Variants in MRPS9 observed in about 807,000 individuals in gnomAD.
MRPS9 encodes mitochondrial ribosomal protein S9.
Under a neutral mutation model 59.9 loss-of-function variants are expected in MRPS9, and 45 were observed. The observed-to-expected ratio is 0.75, with a 90% CI of 0.59 to 0.96. MRPS9 has a LOEUF of 0.96. MRPS9 is among the 40% of genes least tolerant of loss of function. The probability of loss-of-function intolerance (pLI) is 0.00; values close to 1 mark genes in which losing one functional copy is unlikely to be tolerated. For missense variants in MRPS9, 473 were observed against 481.1 expected, an observed-to-expected ratio of 0.98 and a Z score of 0.16; for synonymous variants, 171 against 166.8, an observed-to-expected ratio of 1.03 and a Z score of -0.19.
chr2:105,069,774 G>A (rs765447302), intron 2 of MRPS9, among the ~76,000 whole-genome samples: 33 of 151,770 alleles, frequency 2.2e-4, no homozygotes, highest in Non-Finnish European at 3.8e-4. Flanking sequence ...ATACTGGTAG[G>A]CCAAGGCAAG....
At chr2:105,081,958 C>T (rs1458710788) in intron 5 of MRPS9, among the ~76,000 whole-genome samples, 1 of 152,172 alleles carries the variant, frequency 6.6e-6, no homozygotes, top group African/African-American at 2.4e-5. Flanking sequence ...GATACTGAGA[C>T]TTTGAAATAG....
At chr2:105,089,118 C>T (rs780440138) in intron 6 of MRPS9, 49 bp downstream of exon 6, 6 of 1,387,828 alleles carry the variant, frequency 4.3e-6, no homozygotes, top group Non-Finnish European at 4.0e-6. Context: ...GAACTAAAAA[C>T]ATGCCACTCA....
chr2:105,038,071 T>G lies in MRPS9; in HGVS notation c.-22T>G. On this transcript the variant is annotated 5_prime_UTR_variant, in exon 1 of 11. Coordinates refer to ENST00000258455, the MANE Select transcript of MRPS9 (RefSeq NM_182640.3). ...AGGCCCCGCCCCCTCACCCCTCCGG[T>G]CCTGGAGCTCCCACAGCTAACATGG... The G allele has an allele frequency of 6.2e-7, 1 of 1,612,158 alleles. No homozygotes were observed. Among genetic ancestry groups the G allele is most frequent in the Non-Finnish European group, 8.5e-7 (1 of 1,179,584 alleles).
At chr2:105,091,327 G>C (rs1680553873) in intron 7 of MRPS9, 2 of 471,110 alleles carry the variant, frequency 4.2e-6, no homozygotes, top group Non-Finnish European at 8.8e-6. Flanking sequence ...TGTAGGTGCA[G>C]AAGTCATTGA....
intron 7 of MRPS9, 130 bp downstream of exon 7, chr2:105,090,125 TAAAAACAAAACAAAACAAAACAA>T (rs1680529512): frequency 4.0e-6 from 2 of 503,544 alleles, no homozygotes; most frequent in African/African-American, 4.1e-5. Flanking sequence ...TTTCTTTCTT[TAAAAACAAAACAAAACAAAACAA>T]AAAAACAAAA....
chr2:105,071,176 C>A, intron 2 of MRPS9, 137 bp from the exon 3 acceptor site: 1 of 621,628 alleles, frequency 1.6e-6, no homozygotes, highest in Non-Finnish European at 2.7e-6. Flanking sequence ...TTTTATCATC[C>A]CATTGAAACA....
At chr2:105,056,125 G>A (rs969760956) in intron 2 of MRPS9, among the ~76,000 whole-genome samples, 2 of 151,246 alleles carry the variant, frequency 1.3e-5, no homozygotes, top group Admixed American at 6.6e-5. Context: ...TGTGTGAAGT[G>A]CCATCTTGGA....
intron 5 of MRPS9, among the ~76,000 whole-genome samples, chr2:105,084,691 A>T (rs1040915786): frequency 6.6e-6 from 1 of 152,208 alleles, no homozygotes; most frequent in African/African-American, 2.4e-5. Context: ...TGCTTATTTT[A>T]AAAAAGCTAC....
At chr2:105,039,229 TAA>T (rs11326307) in intron 1 of MRPS9, among the ~76,000 whole-genome samples, 8 of 147,670 alleles carry the variant, frequency 5.4e-5, no homozygotes, top group African/African-American at 1.7e-4. Flanking sequence ...AAACTATATT[TAA>T]AAAAAAAAAC....
At chr2:105,073,820 CA>C (rs966169696) in intron 4 of MRPS9, among the ~76,000 whole-genome samples, 3 of 152,278 alleles carry the variant, frequency 2.0e-5, no homozygotes, top group African/African-American at 7.2e-5. Flanking sequence ...TTGATGACCA[CA>C]AACCTTTTTG....
intron 9 of MRPS9, 25 bp from the exon 10 acceptor site, chr2:105,097,130 C>A (rs1305303709): frequency 6.9e-7 from 1 of 1,445,722 alleles, no homozygotes; most frequent in African/African-American, 1.5e-5. Context: ...TAAACGTAAC[C>A]ACATTTACTT....
At chr2:105,086,254 A>G (rs1034933393) in intron 5 of MRPS9, among the ~76,000 whole-genome samples, 2 of 152,100 alleles carry the variant, frequency 1.3e-5, no homozygotes, top group Admixed American at 6.5e-5. Flanking sequence ...ATGGGTTACA[A>G]TCATCAAATT....
intron 5 of MRPS9, 110 bp from the exon 6 acceptor site, chr2:105,088,874 G>A: frequency 3.5e-6 from 2 of 577,076 alleles, no homozygotes; most frequent in Non-Finnish European, 5.8e-6. Context: ...TCTCTGAGGA[G>A]GAGGACACCT....
chr2:105,038,474 A>C, intron 1 of MRPS9: 1 of 492,322 alleles, frequency 2.0e-6, no homozygotes, highest in Non-Finnish European at 3.7e-6. Context: ...AAGTGGAGCG[A>C]CCTCCTCCTT....
chr2:105,070,907 G>T (rs920984112), intron 2 of MRPS9, among the ~76,000 whole-genome samples: 1 of 152,192 alleles, frequency 6.6e-6, no homozygotes, highest in African/African-American at 2.4e-5. Context: ...AACATCAGGG[G>T]TGTCATGATG....
At chr2:105,094,444 G>A (rs1161157893) in intron 9 of MRPS9, among the ~76,000 whole-genome samples, 1 of 152,082 alleles carries the variant, frequency 6.6e-6, no homozygotes, top group African/African-American at 2.4e-5. Context: ...CAGAAGTTTG[G>A]TATGATTAGT....
At chr2:105,089,832 T>C in intron 6 of MRPS9, 88 bp from the exon 7 acceptor site, 1 of 844,372 alleles carries the variant, frequency 1.2e-6, no homozygotes, top group Non-Finnish European at 1.8e-6. Flanking sequence ...TTTCAAATCA[T>C]AAAATTGCTA....
At chr2:105,043,715 ACCTCCG>A (rs1324629272) in intron 1 of MRPS9, among the ~76,000 whole-genome samples, 5 of 151,610 alleles carry the variant, frequency 3.3e-5, no homozygotes, top group African/African-American at 1.2e-4. Flanking sequence ...GCTCACTGCA[ACCTCCG>A]CCTCCTGGGT....
rs761409000 is a variant in MRPS9 at position 105,038,238 on chromosome 2, G to A, written c.135+11G>A. 3.7e-6 allele frequency: 6 copies of A among 1,606,942 alleles called. No homozygotes were observed. The South Asian group carries it at 4.5e-5, about 12-fold the overall frequency. On this transcript the variant is annotated intron_variant, in intron 1 of 10. Transcript: ENST00000258455. ...AATGTCAGATCCCAGGTAAGGCCTG[G>A]GAAGACTGGAAGCGGCTTACCTCTG...
Sources: allele counts gnomAD v4.1 joint callset (sites outside exome capture counted in the v4.1 genomes callset), GRCh38; gene constraint gnomAD v4.1.1; transcripts MANE v1.5; gene names NCBI Gene and HGNC (gene_info 2026-07-23, HGNC 2026-07-21).